CCDC33: variants seen among roughly 807,000 people sequenced by gnomAD.
The protein encoded by CCDC33 is coiled-coil domain containing 33, also known as coiled-coil domain-containing protein 33.
CCDC33 carries 94 observed loss-of-function variants against 91.9 expected under a neutral mutation model. The ratio of observed to expected loss-of-function variants is 1.02; its 90% confidence interval spans 0.87 to 1.21. The LOEUF (loss-of-function observed/expected upper bound fraction) is 1.21, where lower values mean the gene tolerates loss of function less well. Ranked by LOEUF, CCDC33 falls within the 50% of genes most tolerant of loss-of-function variation. The pLI is 0.00. For missense variants in CCDC33, 940 were observed against 935.5 expected (o/e 1.00, Z -0.06); for synonymous variants, 396 against 374.5 (o/e 1.06, Z -0.66).
At chr15:74,214,690 T>C (rs576672937), upstream of CCDC33, among the ~76,000 whole-genome samples, 62 of 152,262 alleles carry the variant, frequency 4.1e-4, no homozygotes, top group African/African-American at 1.4e-3. Flanking sequence ...TCCTGTCCTA[T>C]TTACTACCCT....
At chr15:74,293,497 C>T (rs1377859521) in intron 10 of CCDC33, among the ~76,000 whole-genome samples, 4 of 152,164 alleles carry the variant, frequency 2.6e-5, no homozygotes, top group East Asian at 1.9e-4. Flanking sequence ...TCAGCTGTTC[C>T]GAGAAAGAGA....
At chr15:74,228,913 G>A (rs2074884275) in intron 2 of CCDC33, among the ~76,000 whole-genome samples, 1 of 152,158 alleles carries the variant, frequency 6.6e-6, no homozygotes, top group South Asian at 2.1e-4. Context: ...TGGTGTGAGC[G>A]AAGGGTGGCG....
At chr15:74,235,932 C>T (rs1266342149), upstream of CCDC33, among the ~76,000 whole-genome samples, 2 of 152,034 alleles carry the variant, frequency 1.3e-5, no homozygotes, top group African/African-American at 4.8e-5. Context: ...CAAGAAGAAA[C>T]CATCCTCTTG....
chr15:74,268,450 G>A lies in CCDC33; in HGVS notation c.538G>A (p.Ala180Thr). 2 of 1,566,546 alleles carry A rather than the reference G, an allele frequency of 1.3e-6. No individual in the cohort carries two copies. The highest frequency in any genetic ancestry group is 1.7e-6 in the Non-Finnish European group (2 of 1,153,084). ...IPRYIGCNHM[A>T]LEIFLRGVNE... ...CCGCTACATCGGCTGCAACCACATG[G>A]CTCTGGAGGTACCAGGGCTGGGGCC... Residue 180 changes from alanine (A) to threonine (T), a missense_variant, in exon 5 of 19, where the codon GCT (alanine) becomes ACT (threonine). Ala to Thr is a moderately conservative substitution (Grantham distance 58). Coordinates refer to ENST00000398814, the MANE Select transcript of CCDC33 (RefSeq NM_025055.5).
intron 10 of CCDC33, 88 bp from the exon 11 acceptor site, chr15:74,295,666 G>C: frequency 8.7e-7 from 1 of 1,148,350 alleles, no homozygotes; most frequent in Non-Finnish European, 1.2e-6. Context: ...ATGAGGAGGA[G>C]AGGCTTGGGG....
At chr15:74,211,875 T>C (rs920197427) in intron 2 of CCDC33, among the ~76,000 whole-genome samples, 8 of 152,026 alleles carry the variant, frequency 5.3e-5, no homozygotes, top group African/African-American at 1.4e-4. Flanking sequence ...TCCTCCTCCT[T>C]CTTTCTCTGT....
At chr15:74,224,812 T>C (rs1342495972) in intron 2 of CCDC33, among the ~76,000 whole-genome samples, 1 of 152,228 alleles carries the variant, frequency 6.6e-6, no homozygotes, top group Non-Finnish European at 1.5e-5. Flanking sequence ...ATTTGGGATG[T>C]CTGTATTGGG....
chr15:74,274,847 A>G (rs1175027003), intron 7 of CCDC33, among the ~76,000 whole-genome samples: 1 of 152,238 alleles, frequency 6.6e-6, no homozygotes, highest in Non-Finnish European at 1.5e-5. Flanking sequence ...GACCCGGTCC[A>G]GCAATGGCAG....
At chr15:74,240,918 C>T (rs2075327688) in intron 1 of CCDC33, among the ~76,000 whole-genome samples, 1 of 152,192 alleles carries the variant, frequency 6.6e-6, no homozygotes. Flanking sequence ...TCTTTTTGCC[C>T]TGAGGCTGCC....
chr15:74,253,751 G>A (rs776741637), intron 2 of CCDC33, among the ~76,000 whole-genome samples: 4 of 152,234 alleles, frequency 2.6e-5, no homozygotes, highest in Non-Finnish European at 5.9e-5. Flanking sequence ...GAGAGAGGAA[G>A]CAACTGTGGC....
intron 11 of CCDC33, chr15:74,303,095 G>A (rs926184683): frequency 6.6e-6 from 1 of 152,352 alleles, no homozygotes; most frequent in African/African-American, 2.4e-5. Context: ...CTGGTGGCAG[G>A]TGATTAACTC....
chr15:74,305,555 G>A (rs2059877899), intron 11 of CCDC33, among the ~76,000 whole-genome samples: 2 of 152,218 alleles, frequency 1.3e-5, no homozygotes, highest in South Asian at 4.1e-4. Context: ...CCAAGGATGA[G>A]CAGTGCTTCA....
intron 1 of CCDC33, among the ~76,000 whole-genome samples, chr15:74,241,617 G>C (rs932165637): frequency 2.6e-5 from 4 of 152,218 alleles, no homozygotes; most frequent in African/African-American, 9.6e-5. Flanking sequence ...GCAGAGGAGA[G>C]AGAGGGTCTG....
intron 2 of CCDC33, among the ~76,000 whole-genome samples, chr15:74,220,013 A>T (rs1204738491): frequency 6.6e-6 from 1 of 152,074 alleles, no homozygotes; most frequent in Non-Finnish European, 1.5e-5. Context: ...TCAGGCTGGG[A>T]GAGGGCCTGG....
chr15:74,207,883 G>A, intron 1 of CCDC33: 1 of 1,507,280 alleles, frequency 6.6e-7, no homozygotes, highest in South Asian at 1.2e-5. Flanking sequence ...CAGTGGGCTG[G>A]AAGGCAGTGT....
upstream of CCDC33, among the ~76,000 whole-genome samples, chr15:74,215,584 A>G (rs557749610): frequency 2.6e-5 from 4 of 152,276 alleles, no homozygotes; most frequent in Admixed American, 1.3e-4. Flanking sequence ...ACCAAAAAAA[A>G]GTACCTTCCC....
Position 74,280,698 on chromosome 15 carries a change from A to T in CCDC33, c.920A>T (p.Gln307Leu). 6.5e-7 allele frequency: 1 copy of T among 1,534,870 alleles called. No homozygotes were observed. Among genetic ancestry groups the T allele is most frequent in the Non-Finnish European group, 8.8e-7 (1 of 1,139,848 alleles). ...MKGSQPWTLN[Q>L]PLGISVLPLK... ...GGCAGCCAGCCGTGGACCCTCAACC[A>T]GCCCCTGGGCATCTCTGTGTTGCCG... is the stretch of plus-strand genomic sequence containing the variant. Residue 307 changes from glutamine (Q) to leucine (L), a missense_variant, in exon 9 of 19, where the codon CAG becomes CTG. Gln to Leu is a moderately radical substitution (Grantham distance 113, BLOSUM62 -2). Transcript: ENST00000398814.
At position 74,316,227 on chromosome 15, in the gene CCDC33, C is replaced by T. The variant is rs555592525; in HGVS notation, c.1291-13962C>T. The stretch of plus-strand genomic sequence containing the variant: ...TCCCTCAAGGGCGCGGCTTCCCTCC[C>T]TCTCAGCAGCCCACACTTGTTCTAT... On this transcript the variant is annotated intron_variant, in intron 11 of 18. Transcript: ENST00000398814. The surrounding 1 kb of genome is among the most constrained non-coding windows in gnomAD (Gnocchi z 4.7). 1.2e-4 allele frequency among the ~76,000 whole-genome samples: 19 copies of T among 152,324 alleles called. No homozygotes were observed. In the South Asian group the frequency reaches 2.9e-3, roughly 23 times the overall value.
chr15:74,270,201 A>G (rs542445458), intron 5 of CCDC33, among the ~76,000 whole-genome samples: 9 of 152,316 alleles, frequency 5.9e-5, no homozygotes, highest in African/African-American at 2.2e-4. Context: ...AAACCAGCTG[A>G]GATGGGTATT....
Sources: gnomAD v4.1 joint callset for allele counts (sites outside exome capture counted in the v4.1 genomes callset) on GRCh38, gnomAD v4.1.1 for gene constraint, Gnocchi (gnomAD v3.1) non-coding constraint, MANE v1.5 for transcripts, NCBI Gene and HGNC (gene_info 2026-07-23, HGNC 2026-07-21) for gene names.